The following RMST variants were observed in gnomAD, a reference collection of about 807,000 sequenced individuals.
RMST encodes long intergenic non-protein coding RNA 54.
intron 10 of RMST, among the ~76,000 whole-genome samples, chr12:97,515,059 T>C (rs754655277): frequency 3.3e-5 from 5 of 152,172 alleles, no homozygotes; most frequent in African/African-American, 4.8e-5. Context: ...AGTAATTATA[T>C]TGAAAGACAT....
chr12:97,479,063 G>A (rs1001269351), intron 5 of RMST, among the ~76,000 whole-genome samples: 12 of 149,664 alleles, frequency 8.0e-5, no homozygotes, highest in Admixed American at 4.7e-4. Flanking sequence ...TATTCTGATC[G>A]CTCTCCTCAT....
chr12:97,467,028 C>T (rs1437986618), intron 5 of RMST, among the ~76,000 whole-genome samples: 1 of 151,946 alleles, frequency 6.6e-6, no homozygotes. Flanking sequence ...TCAGAGAAAG[C>T]TGAGAAAAGA....
At chr12:97,561,474 T>C (rs1212318040) in intron 13 of RMST, among the ~76,000 whole-genome samples, 2 of 152,068 alleles carry the variant, frequency 1.3e-5, no homozygotes, top group African/African-American at 4.8e-5. Context: ...AAAAAGAACG[T>C]GTCACATCAT....
chr12:97,530,981 G>C (rs1565932984), intron 11 of RMST: 1 of 147,586 alleles, frequency 6.8e-6, no homozygotes, highest in Admixed American at 6.8e-5. Context: ...TATGCTTTTC[G>C]GGCATTTATA....
At chr12:97,503,391 T>A (rs180889216) in intron 10 of RMST, among the ~76,000 whole-genome samples, 62 of 151,970 alleles carry the variant, frequency 4.1e-4, no homozygotes, top group Non-Finnish European at 8.1e-4. Context: ...GGGTAAATTA[T>A]CTATAGTGAG....
At chr12:97,562,455 G>T (rs964520961) in intron 13 of RMST, among the ~76,000 whole-genome samples, 1 of 152,140 alleles carries the variant, frequency 6.6e-6, no homozygotes, top group Non-Finnish European at 1.5e-5. Flanking sequence ...GTAGAGGAGC[G>T]GTGGGGGTTG....
At chr12:97,539,693 A>AC (rs1882354971) in intron 11 of RMST, among the ~76,000 whole-genome samples, 1 of 151,812 alleles carries the variant, frequency 6.6e-6, no homozygotes, top group East Asian at 1.9e-4. Flanking sequence ...CTCTTGACAC[A>AC]CATGAGCATT....
Position 97,524,075 on chromosome 12 carries a change from C to CAAAAAAAAAAAAAAAAAAAA in RMST, n.1341-6571_1341-6552dup, listed in dbSNP as rs537840796. On this transcript the variant is annotated intron_variant and non_coding_transcript_variant, in intron 10 of 13. Coordinates refer to ENST00000640149, the Ensembl canonical transcript of RMST. The stretch of plus-strand genomic sequence containing the variant: ...TGGGCAACAGAGTGAGACTCTGTCT[C>CAAAAAAAAAAAAAAAAAAAA]AAAAAAAAAAAAAAAAAAAAAAAAA... Among the ~76,000 whole-genome samples the CAAAAAAAAAAAAAAAAAAAA allele has an allele frequency of 2.3e-4, 13 of 56,126 alleles. 1 individual carries two copies. The highest frequency in any genetic ancestry group is 6.2e-4 in the African/African-American group (8 of 12,970). 36.8% of individuals were successfully genotyped at this position (56,126 alleles called of 152,430 possible).
intron 5 of RMST, among the ~76,000 whole-genome samples, chr12:97,477,214 C>T (rs192122420): frequency 7.9e-5 from 12 of 152,116 alleles, no homozygotes; most frequent in African/African-American, 2.7e-4. Flanking sequence ...GTTAGGAAAG[C>T]CAGCAATATA....
intron 11 of RMST, among the ~76,000 whole-genome samples, chr12:97,546,732 T>C (rs1882960471): frequency 6.6e-6 from 1 of 152,130 alleles, no homozygotes; most frequent in African/African-American, 2.4e-5. Context: ...TTCTGAAATA[T>C]GTGTCTATAC....
intron 11 of RMST, among the ~76,000 whole-genome samples, chr12:97,534,532 A>G (rs1446363136): frequency 6.6e-6 from 1 of 151,760 alleles, no homozygotes; most frequent in Admixed American, 6.6e-5. Flanking sequence ...ATTAGAGAAA[A>G]TCATGGGTTT....
At chr12:97,526,137 A>G (rs1471645200) in intron 10 of RMST, among the ~76,000 whole-genome samples, 1 of 152,140 alleles carries the variant, frequency 6.6e-6, no homozygotes, top group Non-Finnish European at 1.5e-5. Flanking sequence ...AATAATAGAT[A>G]TAAAGTGCAC....
chr12:97,470,746 T>C (rs1873815416), intron 5 of RMST, among the ~76,000 whole-genome samples: 1 of 152,018 alleles, frequency 6.6e-6, no homozygotes, highest in Non-Finnish European at 1.5e-5. Context: ...CTGTTAACTC[T>C]AAGTTGATTT....
intron 10 of RMST, among the ~76,000 whole-genome samples, chr12:97,515,426 G>T: frequency 6.6e-6 from 1 of 152,056 alleles, no homozygotes; most frequent in East Asian, 1.9e-4. Flanking sequence ...TGGCAGACCT[G>T]GAAGACAATG....
intron 5 of RMST, among the ~76,000 whole-genome samples, chr12:97,475,612 A>G (rs17027015): frequency 0.023 from 3,372 of 148,452 alleles, 78 homozygotes; most frequent in African/African-American, 0.066. Flanking sequence ...CATTTCCCAC[A>G]TGTCAGGCAT....
chr12:97,525,982 T>C (rs1881063944), intron 10 of RMST, among the ~76,000 whole-genome samples: 1 of 152,004 alleles, frequency 6.6e-6, no homozygotes, highest in Non-Finnish European at 1.5e-5. Context: ...GCACTCCTTA[T>C]GAGAATCTAA....
chr12:97,536,933 T>A (rs1436481418), intron 11 of RMST, among the ~76,000 whole-genome samples: 1 of 151,422 alleles, frequency 6.6e-6, no homozygotes, highest in African/African-American at 2.4e-5. Flanking sequence ...TCTGAACCGA[T>A]TAAAATATTT....
chr12:97,559,088 TTCTCTC>T (rs56136727), intron 11 of RMST, among the ~76,000 whole-genome samples: 154 of 146,654 alleles, frequency 1.1e-3, no homozygotes, highest in African/African-American at 2.8e-3. Context: ...ATTTCGAGGT[TTCTCTC>T]TCTCTCTCTC....
At chr12:97,541,462 A>G (rs926525449) in intron 11 of RMST, 1 of 151,796 alleles carries the variant, frequency 6.6e-6, no homozygotes, top group Non-Finnish European at 1.5e-5. Context: ...TAAGAAATCC[A>G]GGTTTCAAAA....
Sources: allele counts gnomAD v4.1 joint callset (sites outside exome capture counted in the v4.1 genomes callset), GRCh38; gene constraint gnomAD v4.1.1; transcripts MANE v1.5; gene names NCBI Gene and HGNC (gene_info 2026-07-23, HGNC 2026-07-21).